Variants in ACVR1 observed in about 807,000 individuals in gnomAD.
ACVR1 encodes the protein activin receptor type-1.
ACVR1 carries 38 observed loss-of-function variants against 57.1 expected under a neutral mutation model. That is an observed-to-expected ratio of 0.67 (90% CI 0.51 to 0.87). The LOEUF is 0.87. Ranked by LOEUF, ACVR1 falls within the 40% of genes least tolerant of loss-of-function variation. ACVR1 has a pLI of 0.00. For missense variants in ACVR1, 463 were observed against 638.2 expected, an observed-to-expected ratio of 0.73 and a Z score of 2.96; for synonymous variants, 212 against 228.1, an observed-to-expected ratio of 0.93 and a Z score of 0.63.
intron 1 of ACVR1, among the ~76,000 whole-genome samples, chr2:157,832,404 A>G (rs901354990): frequency 3.3e-5 from 5 of 152,260 alleles, no homozygotes; most frequent in Non-Finnish European, 7.3e-5. Flanking sequence ...TGGCAAGTCA[A>G]GAGTCAGGAC....
chr2:157,824,397 G>A (rs1378227539), intron 1 of ACVR1, among the ~76,000 whole-genome samples: 1 of 152,196 alleles, frequency 6.6e-6, no homozygotes, highest in Non-Finnish European at 1.5e-5. Flanking sequence ...CAGCCCAGGA[G>A]CTCGAGGCTA....
chr2:157,810,790 G>C (rs1024156385), intron 2 of ACVR1, among the ~76,000 whole-genome samples: 3 of 152,024 alleles, frequency 2.0e-5, no homozygotes, highest in Non-Finnish European at 4.4e-5. Flanking sequence ...TCCTTTCACC[G>C]AACACTTTCT....
intron 1 of ACVR1, among the ~76,000 whole-genome samples, chr2:157,819,050 C>G (rs1265145512): frequency 2.6e-5 from 3 of 116,868 alleles, no homozygotes; most frequent in African/African-American, 6.7e-5. Context: ...TGCACTCCAG[C>G]CTGGGTGACA....
intron 1 of ACVR1, among the ~76,000 whole-genome samples, chr2:157,872,270 C>A (rs151291054): frequency 2.6e-3 from 390 of 152,302 alleles, no homozygotes; most frequent in African/African-American, 8.5e-3. Context: ...TATTTCCCAG[C>A]CTCACCAGTT....
At chr2:157,835,887 C>T (rs946984576) in intron 1 of ACVR1, among the ~76,000 whole-genome samples, 1 of 152,186 alleles carries the variant, frequency 6.6e-6, no homozygotes, top group African/African-American at 2.4e-5. Flanking sequence ...GCCAAACAAC[C>T]AGCCAACAAC....
chr2:157,837,442 C>G (rs544709731), intron 1 of ACVR1, among the ~76,000 whole-genome samples: 62 of 152,166 alleles, frequency 4.1e-4, no homozygotes, highest in Non-Finnish European at 5.7e-4. Flanking sequence ...CTAAGGCAAG[C>G]CTTTACCATT....
At chr2:157,840,281 C>T (rs1039630397) in intron 1 of ACVR1, among the ~76,000 whole-genome samples, 2 of 152,162 alleles carry the variant, frequency 1.3e-5, no homozygotes, top group African/African-American at 4.8e-5. Context: ...AGAATGGCAG[C>T]CATTCCATGT....
chr2:157,821,574 A>C (rs1317413912), intron 1 of ACVR1, among the ~76,000 whole-genome samples: 1 of 152,182 alleles, frequency 6.6e-6, no homozygotes, highest in Non-Finnish European at 1.5e-5. Context: ...GTGCCATGAA[A>C]TGAATATCTA....
intron 3 of ACVR1, among the ~76,000 whole-genome samples, chr2:157,788,987 T>C (rs1398655163): frequency 1.3e-5 from 2 of 152,186 alleles, no homozygotes; most frequent in East Asian, 3.8e-4. Flanking sequence ...ATCCCAGCCT[T>C]TATAACTTGA....
intron 1 of ACVR1, among the ~76,000 whole-genome samples, chr2:157,837,655 A>G (rs1273051016): frequency 5.3e-5 from 8 of 152,158 alleles, no homozygotes; most frequent in Admixed American, 5.2e-4. Context: ...CACACACTCA[A>G]AGCAACCCAG....
intron 1 of ACVR1, among the ~76,000 whole-genome samples, chr2:157,869,432 T>A (rs1690044772): frequency 6.6e-6 from 1 of 152,216 alleles, no homozygotes; most frequent in African/African-American, 2.4e-5. Flanking sequence ...TCTAACTGCT[T>A]ATTAGGACCC....
chr2:157,854,199 T>TAAA (rs398060692), intron 1 of ACVR1, among the ~76,000 whole-genome samples: 9,096 of 118,216 alleles, frequency 0.077, 720 homozygotes, highest in East Asian at 0.45. Flanking sequence ...CCTAAAGGAG[T>TAAA]AAAAAAAAAA....
intron 1 of ACVR1, among the ~76,000 whole-genome samples, chr2:157,865,865 T>TAGA (rs1553452950): frequency 1.5e-4 from 22 of 150,080 alleles, no homozygotes; most frequent in South Asian, 2.1e-4. Context: ...GATAGATAGA[T>TAGA]TGACTGATTG....
chr2:157,762,515 A>G (rs550492612), intron 8 of ACVR1, among the ~76,000 whole-genome samples: 2 of 152,328 alleles, frequency 1.3e-5, no homozygotes, highest in African/African-American at 4.8e-5. Context: ...AACAGTCAAA[A>G]TATCAGAATA....
chr2:157,801,432 C>T (rs1209066532), intron 2 of ACVR1, among the ~76,000 whole-genome samples: 6 of 152,084 alleles, frequency 3.9e-5, no homozygotes, highest in African/African-American at 1.4e-4. Context: ...AATGCAAGCA[C>T]CAAAGAAGAG....
At chr2:157,858,444 C>T (rs530632407) in intron 1 of ACVR1, among the ~76,000 whole-genome samples, 1 of 152,088 alleles carries the variant, frequency 6.6e-6, no homozygotes, top group Non-Finnish European at 1.5e-5. Flanking sequence ...CCTCTCTAAG[C>T]TATTAAATAT....
intron 1 of ACVR1, among the ~76,000 whole-genome samples, chr2:157,872,219 C>G (rs1187361018): frequency 6.6e-6 from 1 of 152,192 alleles, no homozygotes; most frequent in Non-Finnish European, 1.5e-5. Context: ...GAAAATAAAA[C>G]AGGAGATTCT....
intron 1 of ACVR1, among the ~76,000 whole-genome samples, chr2:157,843,368 G>A (rs1001450182): frequency 6.6e-6 from 1 of 152,150 alleles, no homozygotes; most frequent in African/African-American, 2.4e-5. Context: ...TAAAAAATGA[G>A]TAATAATAGC....
chr2:157,820,570 CTCTCTT>C (rs1688127524), intron 1 of ACVR1, among the ~76,000 whole-genome samples: 2 of 151,698 alleles, frequency 1.3e-5, no homozygotes, highest in African/African-American at 4.9e-5. Context: ...CAGAGACTCT[CTCTCTT>C]TTTTTTTTTT....
Sources: allele counts gnomAD v4.1 joint callset (sites outside exome capture counted in the v4.1 genomes callset), GRCh38; gene constraint gnomAD v4.1.1; transcripts MANE v1.5; gene names NCBI Gene and HGNC (gene_info 2026-07-23, HGNC 2026-07-21).